ROBO1: variants seen among roughly 807,000 people sequenced by gnomAD.
ROBO1 encodes roundabout guidance receptor 1, also known as roundabout homolog 1.
Under a neutral mutation model 195.9 loss-of-function variants are expected in ROBO1, and 149 were observed. The observed-to-expected ratio is 0.76, with a 90% CI of 0.67 to 0.87. The LOEUF (loss-of-function observed/expected upper bound fraction) is 0.87, where lower values mean the gene tolerates loss of function less well. Ranked by LOEUF, ROBO1 falls within the 40% of genes least tolerant of loss-of-function variation. ROBO1 has a pLI of 0.00. For synonymous variants in ROBO1, 816 were observed against 733.2 expected (o/e 1.11, Z -1.82); for missense variants, 1,933 against 2,068.3 (o/e 0.93, Z 1.27).
intron 24 of ROBO1, 117 bp from the exon 25 acceptor site, chr3:78,631,422 T>C: frequency 1.7e-6 from 2 of 1,167,628 alleles, no homozygotes; most frequent in South Asian, 3.7e-5. Context: ...TATACAGAGA[T>C]AAACATGCTT....
chr3:78,884,648 AAAGGAAGGAAGGAAGG>A lies in ROBO1; in HGVS notation c.499+53937_499+53952del, dbSNP rs780597106. Among the ~76,000 whole-genome samples the A allele has an allele frequency of 5.9e-3, 637 of 107,490 alleles. 5 individuals are homozygous for A. Among genetic ancestry groups the A allele is most frequent in the Middle Eastern group, 0.02 (4 of 198 alleles). 70.5% of individuals were successfully genotyped at this position (107,490 alleles called of 152,430 possible). A position where few individuals can be genotyped will look rare whatever the true frequency, so the allele number is the denominator to read the frequency against. On this transcript the variant is annotated intron_variant, in intron 4 of 30. Coordinates refer to ENST00000464233, the MANE Select transcript of ROBO1 (RefSeq NM_002941.4). ...GAGAAAGAAAGAGAAAGAAAGAAAG[AAAGGAAGGAAGGAAGG>A]AAGGAAGGAAGGAAGGAAGGAAGGA...
chr3:78,772,147 A>C (rs1429399347), intron 4 of ROBO1, among the ~76,000 whole-genome samples: 1 of 152,082 alleles, frequency 6.6e-6, no homozygotes, highest in Admixed American at 6.5e-5. Flanking sequence ...TATTTGCTTA[A>C]AAAATGTCAT....
At chr3:78,965,726 T>A (rs1356784153) in intron 3 of ROBO1, among the ~76,000 whole-genome samples, 2 of 152,192 alleles carry the variant, frequency 1.3e-5, no homozygotes, top group Non-Finnish European at 1.5e-5. Context: ...ACAGTAGTAT[T>A]TAATAAGAAT....
At chr3:79,404,440 G>A (rs888600356) in intron 2 of ROBO1, among the ~76,000 whole-genome samples, 1 of 152,038 alleles carries the variant, frequency 6.6e-6, no homozygotes, top group African/African-American at 2.4e-5. Flanking sequence ...GTACAAAATA[G>A]GTAAGCTCCA....
intron 2 of ROBO1, among the ~76,000 whole-genome samples, chr3:79,419,978 C>A (rs1448051963): frequency 1.3e-5 from 2 of 152,046 alleles, no homozygotes; most frequent in South Asian, 2.1e-4. Context: ...AAATTTACTT[C>A]TGGCTCTCTA....
At chr3:79,337,991 T>G (rs1321489450) in intron 2 of ROBO1, among the ~76,000 whole-genome samples, 1 of 152,182 alleles carries the variant, frequency 6.6e-6, no homozygotes, top group Non-Finnish European at 1.5e-5. Context: ...ATTGGGCTAT[T>G]ATGCCAAATC....
intron 3 of ROBO1, among the ~76,000 whole-genome samples, chr3:79,094,461 A>G (rs2079530182): frequency 6.6e-6 from 1 of 152,006 alleles, no homozygotes; most frequent in African/African-American, 2.4e-5. Context: ...ACAGAAAAGG[A>G]CCTCCAGGTC....
intron 1 of ROBO1, among the ~76,000 whole-genome samples, chr3:79,692,776 G>A (rs1479245151): frequency 6.6e-6 from 1 of 151,704 alleles, no homozygotes; most frequent in Non-Finnish European, 1.5e-5. Flanking sequence ...TAATAGTACA[G>A]GCTAACTATT....
intron 2 of ROBO1, among the ~76,000 whole-genome samples, chr3:79,489,132 T>C (rs1047495771): frequency 6.8e-6 from 1 of 147,058 alleles, no homozygotes; most frequent in African/African-American, 2.7e-5. Flanking sequence ...ATATAAAACA[T>C]GTGGTAAGAA....
chr3:79,637,929 TATGG>T (rs1945544070), intron 1 of ROBO1, among the ~76,000 whole-genome samples: 1 of 152,204 alleles, frequency 6.6e-6, no homozygotes, highest in Non-Finnish European at 1.5e-5. Context: ...AATTTTTTTA[TATGG>T]ATGGTTAGTA....
At chr3:78,939,547 G>A (rs1251781177) in intron 3 of ROBO1, among the ~76,000 whole-genome samples, 3 of 151,358 alleles carry the variant, frequency 2.0e-5, no homozygotes, top group Admixed American at 2.0e-4. Context: ...GAACCCGGGA[G>A]GCGGAGCTTG....
At chr3:79,314,949 G>C (rs1004318883) in intron 2 of ROBO1, among the ~76,000 whole-genome samples, 1 of 152,202 alleles carries the variant, frequency 6.6e-6, no homozygotes, top group African/African-American at 2.4e-5. Context: ...TAGAGTTGGA[G>C]AGTGCAGTTT....
intron 1 of ROBO1, among the ~76,000 whole-genome samples, chr3:79,595,367 A>AT (rs1487056994): frequency 1.3e-5 from 2 of 152,044 alleles, no homozygotes; most frequent in Non-Finnish European, 2.9e-5. Context: ...TTGAGCACGA[A>AT]TTTCGTATTA....
At chr3:79,469,289 G>A (rs1240719324) in intron 2 of ROBO1, among the ~76,000 whole-genome samples, 2 of 152,074 alleles carry the variant, frequency 1.3e-5, no homozygotes, top group African/African-American at 4.8e-5. Flanking sequence ...AGGTTAATCT[G>A]GAAGCAATAC....
chr3:79,010,442 T>C (rs749147395), intron 3 of ROBO1, among the ~76,000 whole-genome samples: 1 of 152,060 alleles, frequency 6.6e-6, no homozygotes, highest in Non-Finnish European at 1.5e-5. Flanking sequence ...TAAGGCATGT[T>C]AGCACTTTGT....
chr3:79,684,584 CT>C (rs1014193113), intron 1 of ROBO1, among the ~76,000 whole-genome samples: 18 of 152,024 alleles, frequency 1.2e-4, no homozygotes, highest in African/African-American at 4.1e-4. Context: ...TAATATTCTT[CT>C]TTTGTTTGGG....
At chr3:79,386,033 C>T (rs2036730614) in intron 2 of ROBO1, among the ~76,000 whole-genome samples, 1 of 152,004 alleles carries the variant, frequency 6.6e-6, no homozygotes, top group Admixed American at 6.6e-5. Context: ...GTGAGGTCAT[C>T]TTTATATTAG....
intron 10 of ROBO1, among the ~76,000 whole-genome samples, chr3:78,676,617 T>C (rs1444518558): frequency 6.6e-6 from 1 of 151,512 alleles, no homozygotes; most frequent in African/African-American, 2.4e-5. Flanking sequence ...AGAAGGGAAG[T>C]TTAGAGAAAA....
chr3:79,535,873 C>A (rs565535658), intron 2 of ROBO1, among the ~76,000 whole-genome samples: 1 of 151,962 alleles, frequency 6.6e-6, no homozygotes, highest in Non-Finnish European at 1.5e-5. Flanking sequence ...TGAGGATTTT[C>A]TTCAAGAGGT....
Sources: allele counts gnomAD v4.1 joint callset (sites outside exome capture counted in the v4.1 genomes callset), GRCh38; gene constraint gnomAD v4.1.1; transcripts MANE v1.5; gene names NCBI Gene and HGNC (gene_info 2026-07-23, HGNC 2026-07-21).